Variants in MTA3 observed in about 807,000 individuals in gnomAD.
MTA3 encodes metastasis-associated protein MTA3.
MTA3 carries 34 observed loss-of-function variants against 83.5 expected under a neutral mutation model. That is an observed-to-expected ratio of 0.41 (90% CI 0.31 to 0.54). The LOEUF (loss-of-function observed/expected upper bound fraction) is 0.54, where lower values mean the gene tolerates loss of function less well. Ranked by LOEUF, MTA3 falls within the 20% of genes least tolerant of loss-of-function variation. The pLI is 0.33. For missense variants in MTA3, 761 were observed against 726.4 expected (o/e 1.05, Z -0.55); for synonymous variants, 303 against 252.7 (o/e 1.20, Z -1.89).
At chr2:42,726,822 C>CT (rs749504063) in intron 16 of MTA3, among the ~76,000 whole-genome samples, 7 of 152,274 alleles carry the variant, frequency 4.6e-5, no homozygotes, top group Non-Finnish European at 7.4e-5. Flanking sequence ...TCTGTATGCT[C>CT]TATTAAGGAA....
chr2:42,689,954 C>CT (rs58306447), intron 9 of MTA3, among the ~76,000 whole-genome samples: 1,512 of 144,922 alleles, frequency 0.01, 23 homozygotes, highest in African/African-American at 0.035. Flanking sequence ...GACTTAATTG[C>CT]TTTTTTTTTT....
At chr2:42,564,999 A>C (rs191988669), upstream of MTA3, among the ~76,000 whole-genome samples, 1 of 152,176 alleles carries the variant, frequency 6.6e-6, no homozygotes, top group East Asian at 1.9e-4. Context: ...GCTGGTCTCG[A>C]ACTCCTGACC....
intron 4 of MTA3, among the ~76,000 whole-genome samples, chr2:42,637,079 G>A (rs1465855064): frequency 2.6e-5 from 4 of 152,212 alleles, no homozygotes; most frequent in Admixed American, 6.5e-5. Flanking sequence ...GCTGTTGAAC[G>A]TGTGACTTTG....
At chr2:42,714,929 C>T (rs1036678320) in intron 14 of MTA3, among the ~76,000 whole-genome samples, 1 of 152,188 alleles carries the variant, frequency 6.6e-6, no homozygotes, top group Admixed American at 6.5e-5. Context: ...GGCCCAGTTC[C>T]TAACTTGCTA....
intron 2 of MTA3, among the ~76,000 whole-genome samples, chr2:42,524,655 A>C (rs1675597188): frequency 6.6e-6 from 1 of 151,224 alleles, no homozygotes; most frequent in African/African-American, 2.4e-5. Context: ...GAAGTGCAAG[A>C]CCATCTTCAT....
intron 8 of MTA3, among the ~76,000 whole-genome samples, chr2:42,666,831 G>A (rs907780584): frequency 1.3e-5 from 2 of 152,142 alleles, no homozygotes; most frequent in African/African-American, 2.4e-5. Flanking sequence ...AAATATTTGA[G>A]AATGAGTAAA....
intron 3 of MTA3, among the ~76,000 whole-genome samples, chr2:42,593,471 T>C (rs1467060944): frequency 1.3e-5 from 2 of 152,224 alleles, no homozygotes; most frequent in African/African-American, 4.8e-5. Context: ...GGCAGTACAG[T>C]AGGTTTGTTT....
In MTA3 at chr2:42,636,626, C is replaced by T. The variant is rs376972580; in HGVS notation, c.318-3547C>T. ...AATTTAAACTTCTTTCTCTTTCTTTCTTTTTTTTTTTTTTTTTTTGAGACG... is the reference window on the plus strand; with the variant it reads ...AATTTAAACTTCTTTCTCTTTCTTTTTTTTTTTTTTTTTTTTTTTGAGACG... On this transcript the variant is annotated intron_variant, in intron 4 of 16. Transcript: ENST00000405094. Among the ~76,000 whole-genome samples the T allele has an allele frequency of 1.6e-3, 208 of 130,042 alleles. 2 individuals carry two copies. The highest frequency in any genetic ancestry group is 3.9e-3 in the Middle Eastern group (1 of 254). 85.3% of individuals were successfully genotyped at this position (130,042 alleles called of 152,430 possible).
At position 42,755,168 on chromosome 2, in the gene MTA3, GAC is replaced by G; in HGVS notation, c.*1773_*1774del. ...TGGATGTTTCTTCCCTAAAGAAAAAGACACAGGAAAGCTGTCTGTCTGTACCC... is the reference window on the plus strand; with the variant it reads ...TGGATGTTTCTTCCCTAAAGAAAAAGACAGGAAAGCTGTCTGTCTGTACCC... On this transcript the variant is annotated 3_prime_UTR_variant, in exon 17 of 17. Transcript: ENST00000405094. 2.0e-6 allele frequency: 2 copies of G among 985,494 alleles called. No individual in the cohort carries two copies. Among genetic ancestry groups the G allele is most frequent in the Non-Finnish European group, 2.4e-6 (2 of 829,974 alleles). 61.0% of individuals were successfully genotyped at this position (985,494 alleles called of 1,614,324 possible). A position where few individuals can be genotyped will look rare whatever the true frequency, so the allele number is the denominator to read the frequency against.
intron 1 of MTA3, among the ~76,000 whole-genome samples, chr2:42,569,052 C>A (rs1027664172): frequency 6.6e-6 from 1 of 152,172 alleles, no homozygotes; most frequent in African/African-American, 2.4e-5. Context: ...TTACCAGACA[C>A]CCCCCTCCAC....
intron 2 of MTA3, among the ~76,000 whole-genome samples, chr2:42,510,607 C>T (rs1674854535): frequency 6.6e-6 from 1 of 152,186 alleles, no homozygotes; most frequent in African/African-American, 2.4e-5. Context: ...AACAAAAGAA[C>T]TGCTTCTTTC....
At chr2:42,579,601 G>GT (rs1220097648) in intron 3 of MTA3, among the ~76,000 whole-genome samples, 2 of 151,506 alleles carry the variant, frequency 1.3e-5, no homozygotes, top group Admixed American at 6.6e-5. Flanking sequence ...CTAGTATATG[G>GT]TTTTTTAGGT....
chr2:42,509,915 T>G (rs1674818513), intron 2 of MTA3, among the ~76,000 whole-genome samples: 1 of 152,084 alleles, frequency 6.6e-6, no homozygotes, highest in African/African-American at 2.4e-5. Context: ...ACTTAGGAAA[T>G]CTAGGCTTTT....
At chr2:42,577,375 C>T (rs1387191933) in intron 2 of MTA3, among the ~76,000 whole-genome samples, 1 of 151,770 alleles carries the variant, frequency 6.6e-6, no homozygotes, top group African/African-American at 2.4e-5. Context: ...ATGCTCCCCG[C>T]CCCCTAAGCA....
intron 2 of MTA3, among the ~76,000 whole-genome samples, chr2:42,534,240 A>G (rs974392493): frequency 6.6e-6 from 1 of 152,158 alleles, no homozygotes; most frequent in Non-Finnish European, 1.5e-5. Flanking sequence ...TGGCCCCATC[A>G]CTGATTTCTC....
chr2:42,698,418 G>A (rs1444487030), intron 11 of MTA3: 3 of 151,176 alleles, frequency 2.0e-5, no homozygotes, highest in African/African-American at 7.3e-5. Context: ...AAATGAGGCT[G>A]AGCATGGTAG....
chr2:42,635,363 C>T (rs1320086218), intron 4 of MTA3, among the ~76,000 whole-genome samples: 2 of 152,138 alleles, frequency 1.3e-5, no homozygotes, highest in East Asian at 3.8e-4. Flanking sequence ...CAAAGTGGCT[C>T]ATGTCTGTAA....
intron 3 of MTA3, among the ~76,000 whole-genome samples, chr2:42,601,342 T>C (rs1234219926): frequency 6.6e-6 from 1 of 152,216 alleles, no homozygotes; most frequent in Non-Finnish European, 1.5e-5. Flanking sequence ...GGCTTAATTA[T>C]TCCCTCTTAC....
chr2:42,674,019 G>C (rs777269543), intron 8 of MTA3, among the ~76,000 whole-genome samples: 8 of 152,198 alleles, frequency 5.3e-5, no homozygotes, highest in Non-Finnish European at 1.0e-4. Context: ...GATTGTCTAG[G>C]ATTCTGCTGA....
Sources: gnomAD v4.1 joint callset for allele counts (sites outside exome capture counted in the v4.1 genomes callset) on GRCh38, gnomAD v4.1.1 for gene constraint, MANE v1.5 for transcripts, NCBI Gene and HGNC (gene_info 2026-07-23, HGNC 2026-07-21) for gene names.